SLC26A8: variants seen among roughly 807,000 people sequenced by gnomAD.
SLC26A8 encodes solute carrier family 26 member 8.
In SLC26A8, 70 loss-of-function variants were observed where a neutral mutation model predicts 105.0. The ratio of observed to expected loss-of-function variants is 0.67; its 90% confidence interval spans 0.55 to 0.81. SLC26A8 has a LOEUF of 0.81. SLC26A8 is among the 40% of genes least tolerant of loss of function. The pLI is 0.00. For missense variants in SLC26A8, 998 were observed against 1,181.8 expected (o/e 0.84, Z 2.28); for synonymous variants, 415 against 438.3 (o/e 0.95, Z 0.66).
chr6:35,998,631 T>G (rs1307062138), intron 4 of SLC26A8, among the ~76,000 whole-genome samples: 1 of 151,298 alleles, frequency 6.6e-6, no homozygotes, highest in Non-Finnish European at 1.5e-5. Flanking sequence ...ATACTGACAC[T>G]GAGGTAAATT....
At chr6:35,948,563 T>G (rs554977289) in intron 19 of SLC26A8, among the ~76,000 whole-genome samples, 1 of 152,282 alleles carries the variant, frequency 6.6e-6, no homozygotes, top group Non-Finnish European at 1.5e-5. Flanking sequence ...CACTCCAGAC[T>G]GGGCGACAAA....
intron 19 of SLC26A8, among the ~76,000 whole-genome samples, chr6:35,949,020 C>G (rs927571401): frequency 1.3e-5 from 2 of 152,186 alleles, no homozygotes; most frequent in East Asian, 1.9e-4. Context: ...GCATTCAGAA[C>G]TGTGAGAAAT....
chr6:35,990,618 C>A (rs929306336), intron 7 of SLC26A8, among the ~76,000 whole-genome samples: 1 of 152,044 alleles, frequency 6.6e-6, no homozygotes, highest in South Asian at 2.1e-4. Flanking sequence ...CTTATTGTAG[C>A]ATAGTGAGAA....
At chr6:36,020,327 T>C (rs1341583423) in intron 1 of SLC26A8, among the ~76,000 whole-genome samples, 1 of 152,158 alleles carries the variant, frequency 6.6e-6, no homozygotes, top group African/African-American at 2.4e-5. Context: ...CTTAGCAACT[T>C]AGCAGGCCCT....
At chr6:35,970,414 G>A (rs1296809550) in intron 10 of SLC26A8, among the ~76,000 whole-genome samples, 1 of 152,146 alleles carries the variant, frequency 6.6e-6, no homozygotes, top group Non-Finnish European at 1.5e-5. Flanking sequence ...AATCACATGA[G>A]AGTAGTGTAG....
chr6:35,976,464 C>T (rs552456885), intron 9 of SLC26A8, among the ~76,000 whole-genome samples: 16 of 150,546 alleles, frequency 1.1e-4, no homozygotes, highest in Admixed American at 9.3e-4. Flanking sequence ...CTGTTGTTTC[C>T]ATATTTCCCT....
At chr6:36,014,481 G>C in intron 2 of SLC26A8, among the ~76,000 whole-genome samples, 1 of 152,240 alleles carries the variant, frequency 6.6e-6, no homozygotes, top group South Asian at 2.1e-4. Flanking sequence ...TTTGATAAGA[G>C]GGGGGATTTG....
intron 4 of SLC26A8, among the ~76,000 whole-genome samples, chr6:35,998,319 G>C (rs534832608): frequency 6.6e-6 from 1 of 152,272 alleles, no homozygotes; most frequent in South Asian, 2.1e-4. Flanking sequence ...ACTTTGGGAG[G>C]CTGAGGCAGG....
chr6:36,021,448 A>C (rs865775729), intron 1 of SLC26A8, among the ~76,000 whole-genome samples: 1 of 152,198 alleles, frequency 6.6e-6, no homozygotes, highest in Non-Finnish European at 1.5e-5. Context: ...AACAAGCCTA[A>C]TTAGTCTGCT....
Position 36,019,730 on chromosome 6 carries a change from C to A in SLC26A8, c.-2-21G>T, listed in dbSNP as rs584884. On this transcript the variant is annotated intron_variant, in intron 1 of 19. Transcript: ENST00000490799. Reference sequence around the variant, plus strand: ...CATTCCTGGATGAGTGGAAAGAGAGCAAATAAAAGAGCATTTTCAGTAATC... The same window carrying A: ...CATTCCTGGATGAGTGGAAAGAGAGAAAATAAAAGAGCATTTTCAGTAATC... 0.019 allele frequency: 30,198 copies of A among 1,576,416 alleles called. 824 individuals are homozygous for A. The highest frequency in any genetic ancestry group is 0.13 in the African/African-American group (9,492 of 73,442).
chr6:35,976,511 A>G, intron 9 of SLC26A8, among the ~76,000 whole-genome samples: 1 of 141,832 alleles, frequency 7.1e-6, no homozygotes, highest in Non-Finnish European at 1.5e-5. Context: ...GACAAAAACT[A>G]TTTCTGGGAG....
Position 35,944,132 on chromosome 6 carries a change from G to T in SLC26A8, c.2681C>A (p.Thr894Asn). Residue 894 changes from threonine (T) to asparagine (N), a missense_variant, in exon 20 of 20, where the codon ACC becomes AAC. By Grantham distance (65) the Thr-to-Asn change is moderately conservative (BLOSUM62 0). Transcript: ENST00000490799. ...PEMEPKAETE[T>N]KTQTEMEPQP... Reference sequence around the variant, plus strand: ...GGGCTCCATCTCGGTCTGGGTCTTGGTCTCGGTCTCAGCCTTGGGCTCCAT... The same window carrying T: ...GGGCTCCATCTCGGTCTGGGTCTTGTTCTCGGTCTCAGCCTTGGGCTCCAT... 2 of 1,614,066 alleles carry T rather than the reference G, an allele frequency of 1.2e-6. No individual in the cohort carries two copies. The highest frequency in any genetic ancestry group is 1.1e-5 in the South Asian group (1 of 91,078).
chr6:35,976,837 C>A lies in SLC26A8; in HGVS notation c.1173+367G>T, dbSNP rs1215092066. Among the ~76,000 whole-genome samples the A allele has an allele frequency of 5.9e-5, 9 of 152,246 alleles. No individual in the cohort carries two copies. In the East Asian group the frequency reaches 9.7e-4, roughly 16 times the overall value. On this transcript the variant is annotated intron_variant, in intron 9 of 19. Transcript: ENST00000490799. ...GGGATTACAGACGTGAGCCACTACT[C>A]CTGGCCCAACCCTGGCTTTTTATAA...
At chr6:36,010,170 A>G (rs1761812545) in intron 3 of SLC26A8, among the ~76,000 whole-genome samples, 2 of 152,206 alleles carry the variant, frequency 1.3e-5, no homozygotes. Context: ...TTTGTGAGAG[A>G]CCAAAACTGG....
intron 14 of SLC26A8, 174 bp downstream of exon 14, chr6:35,960,669 A>G (rs189215284): frequency 3.0e-6 from 2 of 671,538 alleles, no homozygotes; most frequent in Non-Finnish European, 5.1e-6. Context: ...TCTCCAAAAA[A>G]AAAAATAAAA....
intron 2 of SLC26A8, among the ~76,000 whole-genome samples, chr6:36,014,633 G>A (rs1581699215): frequency 6.6e-6 from 1 of 152,304 alleles, no homozygotes; most frequent in East Asian, 1.9e-4. Context: ...TGTAATCCCA[G>A]CACTTTGGGA....
At chr6:36,004,731 C>G (rs1308981975) in intron 3 of SLC26A8, among the ~76,000 whole-genome samples, 1 of 151,770 alleles carries the variant, frequency 6.6e-6, no homozygotes, top group African/African-American at 2.4e-5. Context: ...CTCACTGCAG[C>G]CTCAACCTCC....
intron 7 of SLC26A8, chr6:35,990,413 G>T: frequency 5.8e-6 from 1 of 172,996 alleles, no homozygotes; most frequent in Non-Finnish European, 1.2e-5. Context: ...TCTGGTTCTA[G>T]CCATAGGAAA....
At position 35,973,551 on chromosome 6, in the gene SLC26A8, A is replaced by AT. The variant is rs534302531; in HGVS notation, c.1287+1823dup. ...TAAAACATTATAAAATATTTTAGCG[A>AT]TTTTTTTTTTTTTAGCTCATCAGCT... On this transcript the variant is annotated intron_variant, in intron 10 of 19. Transcript: ENST00000490799. Among the ~76,000 whole-genome samples, 652 of 145,612 alleles carry AT rather than the reference A, an allele frequency of 4.5e-3. 5 individuals carry two copies. Among genetic ancestry groups the AT allele is most frequent in the African/African-American group, 0.012 (493 of 39,948 alleles).
Sources: gnomAD v4.1 joint callset for allele counts (sites outside exome capture counted in the v4.1 genomes callset) on GRCh38, gnomAD v4.1.1 for gene constraint, MANE v1.5 for transcripts, NCBI Gene and HGNC (gene_info 2026-07-23, HGNC 2026-07-21) for gene names.